The following DNAH14 variants were observed in gnomAD, a reference collection of about 807,000 sequenced individuals.
DNAH14 encodes axonemal beta dynein heavy chain 14.
DNAH14 carries 478 observed loss-of-function variants against 520.9 expected under a neutral mutation model. The observed-to-expected ratio is 0.92, with a 90% confidence interval of 0.85 to 0.99. The LOEUF (loss-of-function observed/expected upper bound fraction) is 0.99, where lower values mean the gene tolerates loss of function less well. Among genes scored for constraint, DNAH14 ranks in the 50% least tolerant of loss-of-function variants. DNAH14 has a pLI of 0.00. For missense variants in DNAH14, 4,831 were observed against 5,234.5 expected, an observed-to-expected ratio of 0.92 and a Z score of 2.38; for synonymous variants, 1,581 against 1,757.2, an observed-to-expected ratio of 0.90 and a Z score of 2.51.
chr1:225,035,538 A>G (rs1484603864), intron 11 of DNAH14, among the ~76,000 whole-genome samples: 1 of 151,534 alleles, frequency 6.6e-6, no homozygotes, highest in Non-Finnish European at 1.5e-5. Flanking sequence ...ACTTACACCT[A>G]TATACTTCCC....
intron 77 of DNAH14, among the ~76,000 whole-genome samples, chr1:225,372,093 T>A (rs997680522): frequency 2.6e-5 from 4 of 152,200 alleles, no homozygotes; most frequent in Non-Finnish European, 4.4e-5. Context: ...AGTTCGTTTT[T>A]TTAATCCTGC....
At chr1:225,347,736 C>G (rs2095308238) in intron 71 of DNAH14, among the ~76,000 whole-genome samples, 1 of 152,044 alleles carries the variant, frequency 6.6e-6, no homozygotes, top group African/African-American at 2.4e-5. Flanking sequence ...CTGCACGAAG[C>G]CAATACCAAA....
At chr1:225,246,636 C>T (rs1337738514) in intron 43 of DNAH14, among the ~76,000 whole-genome samples, 2 of 152,198 alleles carry the variant, frequency 1.3e-5, no homozygotes, top group Non-Finnish European at 2.9e-5. Flanking sequence ...AAAAGTTCTT[C>T]ATCACTGGTC....
At chr1:225,225,420 T>A (rs1298686397) in intron 41 of DNAH14, among the ~76,000 whole-genome samples, 1 of 152,060 alleles carries the variant, frequency 6.6e-6, no homozygotes, top group Non-Finnish European at 1.5e-5. Flanking sequence ...CCCACAAAAA[T>A]TAAAACTGAT....
At chr1:225,063,602 T>A (rs1572809941) in intron 17 of DNAH14, among the ~76,000 whole-genome samples, 1 of 152,124 alleles carries the variant, frequency 6.6e-6, no homozygotes, top group South Asian at 2.1e-4. Flanking sequence ...AGCACAGGGA[T>A]GAAAGAAGAC....
chr1:225,155,325 A>T (rs2080920092), intron 34 of DNAH14, among the ~76,000 whole-genome samples: 1 of 152,168 alleles, frequency 6.6e-6, no homozygotes, highest in Admixed American at 6.5e-5. Flanking sequence ...AATAATATGG[A>T]TTGCTGACAG....
In DNAH14 at chr1:225,051,497, A is replaced by G; in HGVS notation, c.2126A>G (p.Asn709Ser). The G allele has an allele frequency of 1.3e-6, 2 of 1,543,618 alleles. No homozygotes were observed. The highest frequency in any genetic ancestry group is 1.7e-6 in the Non-Finnish European group (2 of 1,143,916). Residue 709 changes from asparagine to serine, a missense_variant, in exon 17 of 86, where the codon AAT becomes AGT. By Grantham distance (46) the Asn-to-Ser change is conservative. Coordinates refer to ENST00000682510, the MANE Select transcript of DNAH14 (RefSeq NM_001367479.1). ...ATTGGTAATTCAATGGGCCTAGTTA[A>G]TGCTTACAGCCACAAGTTTATAAAG... Reference protein sequence around the residue: ...TIIGNSMGLVNAYSHKFIKYC... With the variant: ...TIIGNSMGLVSAYSHKFIKYC...
chr1:225,018,093 A>G (rs2065360333), intron 10 of DNAH14, among the ~76,000 whole-genome samples: 1 of 152,214 alleles, frequency 6.6e-6, no homozygotes, highest in Admixed American at 6.5e-5. Context: ...CACACATTTA[A>G]TTCAGAATCT....
intron 41 of DNAH14, among the ~76,000 whole-genome samples, chr1:225,217,631 C>T (rs554240499): frequency 1.3e-5 from 2 of 152,202 alleles, no homozygotes; most frequent in Non-Finnish European, 2.9e-5. Context: ...CTCACTGCCA[C>T]CTTGCAGTTC....
intron 37 of DNAH14, among the ~76,000 whole-genome samples, chr1:225,189,704 G>A (rs971620820): frequency 6.6e-6 from 1 of 151,786 alleles, no homozygotes. Context: ...TCAGTCTCTT[G>A]TATGCAACAT....
chr1:225,368,359 A>G (rs1406550897), intron 77 of DNAH14, among the ~76,000 whole-genome samples: 1 of 152,212 alleles, frequency 6.6e-6, no homozygotes, highest in Admixed American at 6.5e-5. Context: ...TTATGTAATT[A>G]TAGGCAAACT....
rs5781392 is a variant in DNAH14, at chr1:225,031,689, G to GAAC, written c.1359-7005_1359-7004insAAC. On this transcript the variant is annotated intron_variant, in intron 11 of 85. Coordinates refer to ENST00000682510, the MANE Select transcript of DNAH14 (RefSeq NM_001367479.1). ...CTTCCATGGTACTGCTAAAACTTTA[G>GAAC]CTTCTTCAACTCCATTTATTTTCCT... Among the ~76,000 whole-genome samples, 3 of 151,688 alleles carry GAAC rather than the reference G, an allele frequency of 2.0e-5. 1 individual carries two copies. In the South Asian group the frequency reaches 6.2e-4, roughly 31 times the overall value.
At chr1:224,941,269 GTGA>G (rs1450747594) in intron 1 of DNAH14, among the ~76,000 whole-genome samples, 3 of 152,160 alleles carry the variant, frequency 2.0e-5, no homozygotes, top group Non-Finnish European at 4.4e-5. Flanking sequence ...CTGATGGCCA[GTGA>G]TGATGAGCAT....
intron 1 of DNAH14, among the ~76,000 whole-genome samples, chr1:224,951,644 ATTTTTTTTT>A (rs67437504): frequency 1.2e-5 from 1 of 80,154 alleles, no homozygotes; most frequent in Non-Finnish European, 2.4e-5. Context: ...AGATTTCTGG[ATTTTTTTTT>A]TTTTTTTTTT....
At chr1:225,020,719 T>C (rs186698255) in intron 10 of DNAH14, among the ~76,000 whole-genome samples, 144 of 152,160 alleles carry the variant, frequency 9.5e-4, no homozygotes, top group Admixed American at 1.8e-3. Flanking sequence ...CCATATGGAT[T>C]TGATTCTACC....
chr1:225,057,630 G>C (rs1223952328), intron 17 of DNAH14, among the ~76,000 whole-genome samples: 1 of 152,148 alleles, frequency 6.6e-6, no homozygotes, highest in Admixed American at 6.5e-5. Flanking sequence ...AATGCTTCCA[G>C]TTTTTGCCCA....
chr1:225,219,494 G>A (rs1273035916), intron 41 of DNAH14, among the ~76,000 whole-genome samples: 5 of 152,062 alleles, frequency 3.3e-5, no homozygotes, highest in African/African-American at 7.2e-5. Context: ...TGATCCCACA[G>A]TAATACAAGC....
intron 1 of DNAH14, among the ~76,000 whole-genome samples, chr1:224,951,744 A>G (rs532080730): frequency 7.3e-6 from 1 of 137,550 alleles, no homozygotes; most frequent in Non-Finnish European, 1.5e-5. Flanking sequence ...TCCGCCTCCC[A>G]GGTTCACACC....
chr1:225,168,023 C>A lies in DNAH14; in HGVS notation c.5530C>A (p.Leu1844Ile). The A allele has an allele frequency of 6.6e-7, 1 of 1,512,414 alleles. No individual in the cohort carries two copies. The highest frequency in any genetic ancestry group is 8.9e-7 in the Non-Finnish European group (1 of 1,120,798). The allele number at this position is 1,512,414 out of a possible 1,614,324, so 93.7% of individuals were successfully genotyped here. A position where few individuals can be genotyped will look rare whatever the true frequency, so the allele number is the denominator to read the frequency against. Residue 1844 changes from leucine (L) to isoleucine (I), a missense_variant, in exon 36 of 86, where the codon CTT (leucine) becomes ATT (isoleucine). Coordinates refer to ENST00000682510, the MANE Select transcript of DNAH14 (RefSeq NM_001367479.1). ...GAAGATTATACAGTTTTATAATCAA[C>A]TTCAGGTAAGTATAAAATGGCATGT... ...KEKIIQFYNQ[L>I]QVCVGVMLVG...
Sources: gnomAD v4.1 joint callset for allele counts (sites outside exome capture counted in the v4.1 genomes callset) on GRCh38, gnomAD v4.1.1 for gene constraint, MANE v1.5 for transcripts, NCBI Gene and HGNC (gene_info 2026-07-23, HGNC 2026-07-21) for gene names.